Variants in ADRA1B observed in about 807,000 individuals in gnomAD.
ADRA1B encodes alpha-1B adrenergic receptor.
A neutral mutation model predicts 17.9 loss-of-function variants in ADRA1B; 17 were observed. The ratio of observed to expected loss-of-function variants is 0.95; its 90% CI spans 0.65 to 1.42. The LOEUF (loss-of-function observed/expected upper bound fraction) is 1.42, where lower values mean the gene tolerates loss of function less well. ADRA1B is among the 40% of genes most tolerant of loss of function. The pLI, the probability that ADRA1B is intolerant of heterozygous loss-of-function variation, is 0.00. For synonymous variants in ADRA1B, 366 were observed against 327.6 expected, an observed-to-expected ratio of 1.12 and a Z score of -1.27; for missense variants, 681 against 722.1, an observed-to-expected ratio of 0.94 and a Z score of 0.65.
chr5:159,976,118 A>G (rs980813009), downstream of ADRA1B, among the ~76,000 whole-genome samples: 9 of 152,340 alleles, frequency 5.9e-5, no homozygotes, highest in African/African-American at 2.2e-4. Flanking sequence ...TCATAGGGAC[A>G]TTGGGGGATC....
chr5:159,951,895 A>G (rs1344563468), intron 1 of ADRA1B, among the ~76,000 whole-genome samples: 1 of 152,176 alleles, frequency 6.6e-6, no homozygotes, highest in Non-Finnish European at 1.5e-5. Flanking sequence ...TTGCTCGTCC[A>G]CAGATCATGG....
chr5:159,900,854 T>C (rs927645269), intron 1 of ADRA1B, among the ~76,000 whole-genome samples: 3 of 152,198 alleles, frequency 2.0e-5, no homozygotes, highest in Non-Finnish European at 2.9e-5. Context: ...GTGGATTGCT[T>C]CTGAAAATTA....
At chr5:159,979,507 AG>A in the ADRA1B span, among the ~76,000 whole-genome samples, 1 of 152,218 alleles carries the variant, frequency 6.6e-6, no homozygotes, top group Non-Finnish European at 1.5e-5. Flanking sequence ...TGGGAATCCA[AG>A]GGTTCATGTC....
intron 1 of ADRA1B, among the ~76,000 whole-genome samples, chr5:159,958,580 C>A (rs1386634080): frequency 2.0e-5 from 3 of 152,148 alleles, no homozygotes; most frequent in African/African-American, 7.2e-5. Flanking sequence ...GGTTATTCTT[C>A]CAAATTCCAT....
At chr5:159,889,860 T>C (rs1753963033) in intron 1 of ADRA1B, among the ~76,000 whole-genome samples, 1 of 152,372 alleles carries the variant, frequency 6.6e-6, no homozygotes, top group East Asian at 1.9e-4. Context: ...ATGGCTACTA[T>C]AAATTCCTTC....
In ADRA1B at chr5:159,917,459, AG is replaced by A; in HGVS notation, c.556del (p.Glu186SerfsTer35). Reference sequence around the variant, plus strand: ...TCCATCGGGCCTCTCCTTGGGTGGAAGGAGCCGGCACCCAACGATGACAAGG... The same window carrying A: ...TCCATCGGGCCTCTCCTTGGGTGGAAGAGCCGGCACCCAACGATGACAAGG... ...VISIGPLLGW[K>X]EPAPNDDKEC... On this transcript the variant is annotated frameshift_variant, in exon 1 of 2. Transcript: ENST00000306675. LOFTEE classifies it high-confidence loss of function. The A allele has an allele frequency of 6.2e-7, 1 of 1,614,138 alleles. No homozygotes were observed. Among genetic ancestry groups the A allele is most frequent in the Non-Finnish European group, 8.5e-7 (1 of 1,180,024 alleles).
chr5:159,952,896 C>A (rs80273859), intron 1 of ADRA1B, among the ~76,000 whole-genome samples: 3,242 of 152,258 alleles, frequency 0.021, 119 homozygotes, highest in African/African-American at 0.074. Flanking sequence ...GCGTAAGAAG[C>A]CAGGCCTCCC....
intron 1 of ADRA1B, among the ~76,000 whole-genome samples, chr5:159,892,106 G>A (rs1224854642): frequency 5.9e-5 from 9 of 152,202 alleles, no homozygotes; most frequent in African/African-American, 1.4e-4. Context: ...GCGTGGTGGC[G>A]CACACCTGAA....
intron 1 of ADRA1B, among the ~76,000 whole-genome samples, chr5:159,957,126 C>G (rs945287595): frequency 6.6e-6 from 1 of 152,122 alleles, no homozygotes; most frequent in Admixed American, 6.5e-5. Flanking sequence ...CCCGCTTTGG[C>G]CTCCCAAAGT....
At chr5:159,867,126 T>C (rs1753665479) in intron 1 of ADRA1B, 1 of 152,204 alleles carries the variant, frequency 6.6e-6, no homozygotes, top group African/African-American at 2.4e-5. Flanking sequence ...TGACCTCTTT[T>C]GGGTACGTTA....
chr5:159,979,659 G>A, the ADRA1B span, among the ~76,000 whole-genome samples: 1 of 152,112 alleles, frequency 6.6e-6, no homozygotes, highest in Non-Finnish European at 1.5e-5. Context: ...CCGGAGGTCA[G>A]GAGTTCGAGA....
At chr5:159,893,674 A>C (rs1199506097) in intron 1 of ADRA1B, among the ~76,000 whole-genome samples, 3 of 152,138 alleles carry the variant, frequency 2.0e-5, no homozygotes, top group African/African-American at 7.2e-5. Context: ...GCTGCGTGCA[A>C]GATGCTCTGT....
the ADRA1B span, among the ~76,000 whole-genome samples, chr5:159,978,865 C>T: frequency 6.6e-6 from 1 of 152,244 alleles, no homozygotes; most frequent in Non-Finnish European, 1.5e-5. Context: ...ACCTGAAACC[C>T]AATCAAGCAC....
intron 1 of ADRA1B, among the ~76,000 whole-genome samples, chr5:159,935,663 C>T (rs923206215): frequency 2.0e-5 from 3 of 152,318 alleles, no homozygotes; most frequent in Middle Eastern, 3.4e-3. Flanking sequence ...TCTCAGGCCT[C>T]GGCCTCCCTA....
chr5:159,874,373 A>G (rs1430950955), intron 1 of ADRA1B, among the ~76,000 whole-genome samples: 8 of 152,198 alleles, frequency 5.3e-5, no homozygotes, highest in Non-Finnish European at 1.2e-4. Context: ...ATCAGATGAC[A>G]CAAGCTACTG....
At chr5:159,886,999 C>G (rs1162070680) in intron 1 of ADRA1B, among the ~76,000 whole-genome samples, 2 of 152,126 alleles carry the variant, frequency 1.3e-5, no homozygotes, top group Non-Finnish European at 2.9e-5. Flanking sequence ...TGATGATGAT[C>G]ATGATCATGA....
At chr5:159,885,539 A>G (rs978431662) in intron 1 of ADRA1B, among the ~76,000 whole-genome samples, 9 of 152,242 alleles carry the variant, frequency 5.9e-5, no homozygotes, top group Admixed American at 5.2e-4. Flanking sequence ...TCTGGACACT[A>G]ACACTAACAC....
chr5:159,894,288 A>T (rs1754018075), intron 1 of ADRA1B, among the ~76,000 whole-genome samples: 2 of 152,246 alleles, frequency 1.3e-5, no homozygotes, highest in South Asian at 4.1e-4. Flanking sequence ...GGGAAAACAA[A>T]CAACTAAGAG....
chr5:159,899,263 AAAGGAAG>A (rs1754070597), intron 1 of ADRA1B, among the ~76,000 whole-genome samples: 1 of 106,412 alleles, frequency 9.4e-6, no homozygotes, highest in Admixed American at 9.3e-5. Flanking sequence ...AGGAAGGAAG[AAAGGAAG>A]GAAGGAAGGA....
Sources: gnomAD v4.1 joint callset for allele counts (sites outside exome capture counted in the v4.1 genomes callset) on GRCh38, gnomAD v4.1.1 for gene constraint, MANE v1.5 for transcripts, NCBI Gene and HGNC (gene_info 2026-07-23, HGNC 2026-07-21) for gene names.